NRF1: variants seen among roughly 807,000 people sequenced by gnomAD.
The protein encoded by NRF1 is alpha palindromic-binding protein.
In NRF1, 5 loss-of-function variants were observed where a neutral mutation model predicts 58.5. The observed-to-expected ratio is 0.09, with a 90% confidence interval of 0.04 to 0.18. NRF1 has a LOEUF of 0.18. Among genes scored for constraint, NRF1 ranks in the 10% least tolerant of loss-of-function variants. The pLI, the probability that NRF1 is intolerant of heterozygous loss-of-function variation, is 1.00. For synonymous variants in NRF1, 224 were observed against 246.7 expected (o/e 0.91, Z 0.86); for missense variants, 288 against 657.7 (o/e 0.44, Z 6.15).
At chr7:129,700,885 C>T (rs1170060152) in intron 5 of NRF1, among the ~76,000 whole-genome samples, 1 of 152,220 alleles carries the variant, frequency 6.6e-6, no homozygotes, top group Non-Finnish European at 1.5e-5. Flanking sequence ...CACTGTACTT[C>T]AGCCTGAGCA....
At chr7:129,729,244 A>G (rs1562985928) in intron 10 of NRF1, among the ~76,000 whole-genome samples, 1 of 152,222 alleles carries the variant, frequency 6.6e-6, no homozygotes, top group Non-Finnish European at 1.5e-5. Flanking sequence ...AATAAGTCCA[A>G]GGACCCTCTG....
intron 4 of NRF1, among the ~76,000 whole-genome samples, chr7:129,687,318 A>C (rs1802464477): frequency 7.0e-6 from 1 of 143,182 alleles, no homozygotes; most frequent in Non-Finnish European, 1.5e-5. Flanking sequence ...CCTGTTGCCC[A>C]GGCTGGAGTA....
At chr7:129,619,476 GTGTGTGTGTGTGTGTATA>G (rs1208974433) in intron 1 of NRF1, among the ~76,000 whole-genome samples, 35 of 28,860 alleles carry the variant, frequency 1.2e-3, no homozygotes, top group Admixed American at 2.9e-3. Flanking sequence ...GTGTGTGTGT[GTGTGTGTGTGTGTGTATA>G]TATATATATA....
chr7:129,677,787 G>A (rs1802216668), intron 4 of NRF1, 29 bp downstream of exon 4: 1 of 1,609,724 alleles, frequency 6.2e-7, no homozygotes, highest in African/African-American at 1.3e-5. Context: ...GTTCTCATTT[G>A]CCCTTTGCTT....
chr7:129,713,811 G>A (rs1803129393), intron 8 of NRF1, among the ~76,000 whole-genome samples: 1 of 152,240 alleles, frequency 6.6e-6, no homozygotes, highest in South Asian at 2.1e-4. Context: ...TCCCAGAGGT[G>A]TAGCCCCTGA....
At chr7:129,677,999 G>A (rs1255519552) in intron 4 of NRF1, among the ~76,000 whole-genome samples, 2 of 151,968 alleles carry the variant, frequency 1.3e-5, no homozygotes, top group Non-Finnish European at 2.9e-5. Context: ...GGGGAAGGGG[G>A]GAGGGGGCGG....
At chr7:129,644,203 A>G (rs1315885913) in intron 1 of NRF1, among the ~76,000 whole-genome samples, 2 of 152,156 alleles carry the variant, frequency 1.3e-5, no homozygotes, top group Non-Finnish European at 2.9e-5. Flanking sequence ...GTATACACTT[A>G]TTTATTTTTT....
chr7:129,626,546 G>C (rs1464805159), intron 1 of NRF1, among the ~76,000 whole-genome samples: 4 of 152,194 alleles, frequency 2.6e-5, no homozygotes, highest in African/African-American at 9.7e-5. Context: ...ATATTACATT[G>C]TGTGTTACAA....
chr7:129,737,616 G>T (rs118165756), intron 10 of NRF1, among the ~76,000 whole-genome samples: 2 of 151,940 alleles, frequency 1.3e-5, no homozygotes, highest in Admixed American at 1.3e-4. Context: ...TCAGTATATG[G>T]GCTTGTTCTC....
intron 8 of NRF1, among the ~76,000 whole-genome samples, chr7:129,712,475 T>C (rs1189818502): frequency 6.6e-6 from 1 of 152,204 alleles, no homozygotes; most frequent in Non-Finnish European, 1.5e-5. Flanking sequence ...CTTTCATTTG[T>C]GCCCCTCAGG....
intron 2 of NRF1, among the ~76,000 whole-genome samples, chr7:129,670,706 C>G (rs1234282291): frequency 6.6e-6 from 1 of 152,160 alleles, no homozygotes; most frequent in Admixed American, 6.5e-5. Context: ...TCCTTTGAGT[C>G]TACCCTCCAT....
At chr7:129,678,565 A>C (rs1429296798) in intron 4 of NRF1, among the ~76,000 whole-genome samples, 1 of 151,980 alleles carries the variant, frequency 6.6e-6, no homozygotes, top group Non-Finnish European at 1.5e-5. Flanking sequence ...AACATTTTTG[A>C]GTTCTGTTTT....
At chr7:129,699,859 G>A (rs1802779394) in intron 5 of NRF1, among the ~76,000 whole-genome samples, 1 of 151,994 alleles carries the variant, frequency 6.6e-6, no homozygotes, top group Non-Finnish European at 1.5e-5. Context: ...CTAGAAATAG[G>A]CCGGGCGCAG....
At chr7:129,627,210 GTTAA>G (rs998182121) in intron 1 of NRF1, among the ~76,000 whole-genome samples, 3 of 151,962 alleles carry the variant, frequency 2.0e-5, no homozygotes, top group African/African-American at 7.3e-5. Flanking sequence ...AAGTGCTTTT[GTTAA>G]TTAATTAATT....
intron 2 of NRF1, among the ~76,000 whole-genome samples, chr7:129,658,718 T>G (rs1164730658): frequency 6.6e-6 from 1 of 152,246 alleles, no homozygotes; most frequent in Admixed American, 6.5e-5. Flanking sequence ...ATGCTATTGT[T>G]GTCCTTTGTA....
intron 7 of NRF1, among the ~76,000 whole-genome samples, chr7:129,711,197 T>C (rs990064657): frequency 3.9e-5 from 6 of 152,114 alleles, no homozygotes; most frequent in Non-Finnish European, 8.8e-5. Context: ...AAAGTTCAGA[T>C]TGAGGTGAGA....
chr7:129,749,399 G>T (rs1241625722), intron 10 of NRF1, among the ~76,000 whole-genome samples: 1 of 149,488 alleles, frequency 6.7e-6, no homozygotes, highest in Admixed American at 6.8e-5. Flanking sequence ...GGAAAAGCAT[G>T]TTTCACCATT....
At chr7:129,671,857 A>G (rs1802055228) in intron 3 of NRF1, among the ~76,000 whole-genome samples, 1 of 152,182 alleles carries the variant, frequency 6.6e-6, no homozygotes, top group South Asian at 2.1e-4. Context: ...CTAGAGGGGG[A>G]AAGAAAAAAA....
intron 4 of NRF1, among the ~76,000 whole-genome samples, chr7:129,686,674 C>G (rs1169124477): frequency 2.6e-5 from 4 of 152,202 alleles, no homozygotes; most frequent in Non-Finnish European, 4.4e-5. Flanking sequence ...TGTTTGATGA[C>G]AATAAGTGTT....
Sources: gnomAD v4.1 joint callset for allele counts (sites outside exome capture counted in the v4.1 genomes callset) on GRCh38, gnomAD v4.1.1 for gene constraint, MANE v1.5 for transcripts, NCBI Gene and HGNC (gene_info 2026-07-23, HGNC 2026-07-21) for gene names.